Variants in OPRD1 observed in about 807,000 individuals in gnomAD.
OPRD1 encodes delta-type opioid receptor.
OPRD1 carries 19 observed loss-of-function variants against 17.5 expected under a neutral mutation model. The ratio of observed to expected loss-of-function variants is 1.09; its 90% confidence interval spans 0.76 to 1.60. The LOEUF (loss-of-function observed/expected upper bound fraction) is 1.60. Among genes scored for constraint, OPRD1 ranks in the 40% most tolerant of loss-of-function variants. The pLI is 0.00. For missense variants in OPRD1, 483 were observed against 547.2 expected, an observed-to-expected ratio of 0.88 and a Z score of 1.17; for synonymous variants, 256 against 240.9, an observed-to-expected ratio of 1.06 and a Z score of -0.58.
At chr1:28,816,915 C>T (rs2088675590) in intron 1 of OPRD1, among the ~76,000 whole-genome samples, 1 of 152,116 alleles carries the variant, frequency 6.6e-6, no homozygotes, top group African/African-American at 2.4e-5. Context: ...CCGCCTGGCC[C>T]AGATCCTGGG....
chr1:28,838,017 AGGAT>A (rs938548590), intron 1 of OPRD1, among the ~76,000 whole-genome samples: 8 of 151,756 alleles, frequency 5.3e-5, no homozygotes, highest in African/African-American at 1.9e-4. Context: ...CTGTACACTG[AGGAT>A]GGCAGCAATT....
rs566768023 is a variant in OPRD1 at position 28,864,696 on chromosome 1, G to A, written c.*1413G>A. On this transcript the variant is annotated 3_prime_UTR_variant, in exon 3 of 3. Coordinates refer to ENST00000234961, the MANE Select transcript of OPRD1 (RefSeq NM_000911.4). The stretch of plus-strand genomic sequence containing the variant: ...TAGTTTCTCTGGCCCAGATACTGGA[G>A]GACAGAGGACCACCTACTTAGATCC... The A allele has an allele frequency of 1.4e-5, 2 of 146,382 alleles. No homozygotes were observed. The highest frequency in any genetic ancestry group is 4.1e-4 in the East Asian group (2 of 4,876). The allele number at this position is 146,382 out of a possible 1,614,324, so 9.1% of individuals were successfully genotyped here.
chr1:28,847,064 C>CCTTTCCCCTTTT, intron 1 of OPRD1, among the ~76,000 whole-genome samples: 1 of 150,144 alleles, frequency 6.7e-6, no homozygotes, highest in African/African-American at 2.5e-5. Flanking sequence ...TGTCCCCTTT[C>CCTTTCCCCTTTT]CTTTCCGACG....
chr1:28,814,478 T>C (rs1347693978), intron 1 of OPRD1, among the ~76,000 whole-genome samples: 2 of 152,162 alleles, frequency 1.3e-5, no homozygotes, highest in African/African-American at 4.8e-5. Context: ...TGTCCTAAGG[T>C]GGGCCTGAGA....
chr1:28,853,548 C>T lies in OPRD1; in HGVS notation c.228-5406C>T, dbSNP rs111381295. On this transcript the variant is annotated intron_variant, in intron 1 of 2. Coordinates refer to ENST00000234961, the MANE Select transcript of OPRD1 (RefSeq NM_000911.4). Reference sequence around the variant, plus strand: ...AAATGGATGAATCAAGAAATAGCCACGTAAGCATATTCTTTAGAATTGTGG... The same window carrying T: ...AAATGGATGAATCAAGAAATAGCCATGTAAGCATATTCTTTAGAATTGTGG... 7.2e-5 allele frequency among the ~76,000 whole-genome samples: 11 copies of T among 152,262 alleles called. 1 individual carries two copies. Among genetic ancestry groups the T allele is most frequent in the African/African-American group, 2.2e-4 (9 of 41,564 alleles).
At chr1:28,846,132 A>G (rs969468629) in intron 1 of OPRD1, among the ~76,000 whole-genome samples, 72 of 152,302 alleles carry the variant, frequency 4.7e-4, no homozygotes, top group African/African-American at 1.5e-3. Flanking sequence ...ATTTCTGACC[A>G]TTCCTGCAGC....
intron 1 of OPRD1, among the ~76,000 whole-genome samples, chr1:28,825,348 A>C (rs1402367128): frequency 6.6e-6 from 1 of 152,170 alleles, no homozygotes; most frequent in Non-Finnish European, 1.5e-5. Flanking sequence ...AGAGAGAGGC[A>C]GGGAGTGGCT....
At position 28,812,514 on chromosome 1, in the gene OPRD1, C is replaced by A. The variant is rs758026521; in HGVS notation, c.131C>A (p.Ser44Ter). ...GGGCCGCCAGGCGCGCGGAGCGCCT[C>A]GTCCCTCGCCCTGGCAATCGCCATC... ...ASGPPGARSA[S>*]SLALAIAITA... Residue 44 changes from serine to a stop codon, truncating the protein, a stop_gained, in exon 1 of 3, where the codon TCG (serine) becomes TAG (stop). Transcript: ENST00000234961. LOFTEE classifies it high-confidence loss of function. The A allele has an allele frequency of 2.5e-5, 40 of 1,573,336 alleles. No homozygotes were observed. The highest frequency in any genetic ancestry group is 3.3e-5 in the Non-Finnish European group (38 of 1,167,970).
chr1:28,816,567 G>A (rs1054319802), intron 1 of OPRD1, among the ~76,000 whole-genome samples: 1 of 152,178 alleles, frequency 6.6e-6, no homozygotes, highest in Admixed American at 6.5e-5. Flanking sequence ...GGGGGCCTGA[G>A]AGGGGCCTCT....
At chr1:28,852,828 C>T (rs1259201773) in intron 1 of OPRD1, among the ~76,000 whole-genome samples, 1 of 152,000 alleles carries the variant, frequency 6.6e-6, no homozygotes, top group African/African-American at 2.4e-5. Flanking sequence ...AAGCAATTCT[C>T]CTGCCTTGGC....
chr1:28,832,520 G>A (rs1248997913), intron 1 of OPRD1, among the ~76,000 whole-genome samples: 3 of 152,154 alleles, frequency 2.0e-5, no homozygotes, highest in African/African-American at 7.2e-5. Context: ...GGGAGGCTGA[G>A]GTGGGAGAAT....
intron 1 of OPRD1, among the ~76,000 whole-genome samples, chr1:28,820,192 G>GTTTTTTTTTTTTTTTTTTTT (rs1557568437): frequency 6.9e-6 from 1 of 145,416 alleles, no homozygotes; most frequent in African/African-American, 2.7e-5. Flanking sequence ...AGAGGAACTA[G>GTTTTTTTTTTTTTTTTTTTT]ATTTTTTTTT....
chr1:28,823,794 G>T (rs950914327), intron 1 of OPRD1, among the ~76,000 whole-genome samples: 1 of 151,432 alleles, frequency 6.6e-6, no homozygotes, highest in African/African-American at 2.4e-5. Flanking sequence ...CTCCCAAAGT[G>T]TTGGCATTAC....
At chr1:28,858,206 C>T (rs1037278883) in intron 1 of OPRD1, among the ~76,000 whole-genome samples, 2 of 151,018 alleles carry the variant, frequency 1.3e-5, no homozygotes, top group Non-Finnish European at 3.0e-5. Flanking sequence ...CTCCGCCTCC[C>T]GGGTTCACGC....
At chr1:28,851,510 C>T (rs143668948) in intron 1 of OPRD1, among the ~76,000 whole-genome samples, 2 of 152,292 alleles carry the variant, frequency 1.3e-5, no homozygotes, top group Non-Finnish European at 2.9e-5. Context: ...AGCCAAGAAA[C>T]GGGTGCTCTA....
intron 1 of OPRD1, among the ~76,000 whole-genome samples, chr1:28,827,639 C>T (rs1269117837): frequency 6.6e-6 from 1 of 152,236 alleles, no homozygotes; most frequent in Non-Finnish European, 1.5e-5. Flanking sequence ...ACTACATCTG[C>T]AGTTACTTCC....
At chr1:28,842,977 A>T (rs1331746127) in intron 1 of OPRD1, among the ~76,000 whole-genome samples, 1 of 151,332 alleles carries the variant, frequency 6.6e-6, no homozygotes, top group East Asian at 1.9e-4. Flanking sequence ...GAAAAAAAAA[A>T]GAAGAAGAAA....
At chr1:28,852,519 T>A (rs932138518) in intron 1 of OPRD1, among the ~76,000 whole-genome samples, 2 of 152,060 alleles carry the variant, frequency 1.3e-5, no homozygotes, top group African/African-American at 4.8e-5. Flanking sequence ...TAAAACTATA[T>A]TGGAGCCAGA....
rs143598066 is a variant in OPRD1, at chr1:28,841,245, A to G, written c.228-17709A>G. On this transcript the variant is annotated intron_variant, in intron 1 of 2. Coordinates refer to ENST00000234961, the MANE Select transcript of OPRD1 (RefSeq NM_000911.4). ...CTGACCCCACCTGGGCTGTGAGCAC[A>G]TTGTCTCCAAATCCTTAAACCAGAG... Among the ~76,000 whole-genome samples, 19 of 152,320 alleles carry G rather than the reference A, an allele frequency of 1.2e-4. No homozygotes were observed. In the East Asian group the frequency reaches 3.1e-3, roughly 25 times the overall value.
Sources: gnomAD v4.1 joint callset for allele counts (sites outside exome capture counted in the v4.1 genomes callset) on GRCh38, gnomAD v4.1.1 for gene constraint, MANE v1.5 for transcripts, NCBI Gene and HGNC (gene_info 2026-07-23, HGNC 2026-07-21) for gene names.